Variants in LARGE1 observed in about 807,000 individuals in gnomAD.
LARGE1 encodes the protein xylosyl- and glucuronyltransferase LARGE1.
LARGE1 carries 43 observed loss-of-function variants against 87.6 expected under a neutral mutation model. The ratio of observed to expected loss-of-function variants is 0.49; its 90% CI spans 0.38 to 0.63. The LOEUF (loss-of-function observed/expected upper bound fraction) is 0.63. LARGE1 is among the 30% of genes least tolerant of loss of function. The pLI, the probability that LARGE1 is intolerant of heterozygous loss-of-function variation, is 0.00. For synonymous variants in LARGE1, 434 were observed against 394.6 expected (o/e 1.10, Z -1.18); for missense variants, 802 against 1,000.2 (o/e 0.80, Z 2.67).
chr22:33,773,086 T>C (rs2085123514), intron 1 of LARGE1, among the ~76,000 whole-genome samples: 1 of 152,090 alleles, frequency 6.6e-6, no homozygotes, highest in South Asian at 2.1e-4. Flanking sequence ...TTTGCAAAGT[T>C]CACTTTGGTA....
chr22:33,651,346 C>T (rs1367375574), intron 2 of LARGE1, among the ~76,000 whole-genome samples: 2 of 138,578 alleles, frequency 1.4e-5, no homozygotes, highest in Admixed American at 7.4e-5. Context: ...GAGCCGAGAT[C>T]GCACCACTGC....
chr22:33,223,868 A>G (rs1301356115), intron 11 of LARGE1, among the ~76,000 whole-genome samples: 1 of 152,130 alleles, frequency 6.6e-6, no homozygotes, highest in Non-Finnish European at 1.5e-5. Flanking sequence ...TGTTTTTGCT[A>G]TAGGACAGTC....
the LARGE1 span, among the ~76,000 whole-genome samples, chr22:33,102,985 G>A: frequency 6.6e-6 from 1 of 152,062 alleles, no homozygotes; most frequent in Non-Finnish European, 1.5e-5. Flanking sequence ...TGGAGGTTGT[G>A]GTATGCAGAA....
intron 1 of LARGE1, among the ~76,000 whole-genome samples, chr22:33,857,876 G>A (rs1361188907): frequency 1.3e-5 from 2 of 152,182 alleles, no homozygotes; most frequent in Admixed American, 1.3e-4. Context: ...ATTTGACCCA[G>A]CAATCCCATT....
At chr22:33,540,133 A>G (rs940208178) in intron 6 of LARGE1, among the ~76,000 whole-genome samples, 1 of 152,200 alleles carries the variant, frequency 6.6e-6, no homozygotes, top group Admixed American at 6.5e-5. Flanking sequence ...CTTTCTATGA[A>G]TATTTGCAGA....
intron 9 of LARGE1, among the ~76,000 whole-genome samples, chr22:33,359,182 G>A (rs970930671): frequency 3.3e-5 from 5 of 151,964 alleles, no homozygotes; most frequent in African/African-American, 1.2e-4. Flanking sequence ...TATATATCAT[G>A]TTTTCATTGG....
At chr22:33,074,782 T>C in the LARGE1 span, among the ~76,000 whole-genome samples, 1 of 152,224 alleles carries the variant, frequency 6.6e-6, no homozygotes, top group Admixed American at 6.5e-5. Flanking sequence ...TTTAGTCTTA[T>C]ATCTGGGAAG....
At chr22:33,650,282 G>A in intron 3 of LARGE1, 85 bp downstream of exon 3, 1 of 1,512,510 alleles carries the variant, frequency 6.6e-7, no homozygotes, top group Non-Finnish European at 9.2e-7. Context: ...TTGGCATCTG[G>A]CTGTGTTTCC....
rs1269159059 is a variant in LARGE1 at position 33,879,101 on chromosome 22, T to A, written c.-83+40894A>T. Among the ~76,000 whole-genome samples, 4 of 151,904 alleles carry A rather than the reference T, an allele frequency of 2.6e-5. No homozygotes were observed. In the East Asian group the frequency reaches 7.7e-4, roughly 29 times the overall value. On this transcript the variant is annotated intron_variant, in intron 1 of 14. Coordinates refer to ENST00000397394, the MANE Select transcript of LARGE1 (RefSeq NM_133642.5). ...GATTCTCCTGCCTCAGCCTCCCGAG[T>A]AGCTGGGATTACAGGCATGCGCCAC...
chr22:33,330,047 A>G (rs148928460), intron 10 of LARGE1, among the ~76,000 whole-genome samples: 2 of 152,130 alleles, frequency 1.3e-5, no homozygotes, highest in South Asian at 4.1e-4. Flanking sequence ...TCCAGAGGAC[A>G]GGGCTCAGAT....
At chr22:33,085,316 A>C in the LARGE1 span, among the ~76,000 whole-genome samples, 2 of 152,260 alleles carry the variant, frequency 1.3e-5, no homozygotes, top group Admixed American at 6.5e-5. Flanking sequence ...CACATGCTCA[A>C]GCTGTTTGAA....
intron 1 of LARGE1, among the ~76,000 whole-genome samples, chr22:33,772,156 AC>A (rs2085090177): frequency 1.3e-5 from 2 of 152,020 alleles, no homozygotes; most frequent in African/African-American, 4.8e-5. Context: ...ACACAGTGAA[AC>A]CCCGTCTCTA....
intron 1 of LARGE1, among the ~76,000 whole-genome samples, chr22:33,811,619 T>G (rs972874808): frequency 3.9e-5 from 6 of 152,056 alleles, no homozygotes; most frequent in African/African-American, 1.5e-4. Context: ...AAATCATGAT[T>G]TGGTATATAG....
intron 4 of LARGE1, among the ~76,000 whole-genome samples, chr22:33,612,959 G>A (rs1461015029): frequency 6.6e-6 from 1 of 152,168 alleles, no homozygotes; most frequent in African/African-American, 2.4e-5. Context: ...TAAAGCTTCT[G>A]TCCAGAAGGC....
rs534124837 is a variant in LARGE1, at chr22:33,917,204, A to G, written c.-83+2791T>C. On this transcript the variant is annotated intron_variant, in intron 1 of 14. Transcript: ENST00000397394. The stretch of plus-strand genomic sequence containing the variant: ...GGTGATATCTGCCTGTTTTTGTGAC[A>G]GTATTCTAAACTAAGCAGGCTCTTC... Among the ~76,000 whole-genome samples the G allele has an allele frequency of 1.3e-3, 195 of 152,326 alleles. 2 individuals carry two copies. The highest frequency in any genetic ancestry group is 2.2e-3 in the Non-Finnish European group (148 of 68,038).
At chr22:33,287,166 T>C (rs1257807876) in intron 12 of LARGE1, among the ~76,000 whole-genome samples, 2 of 152,244 alleles carry the variant, frequency 1.3e-5, no homozygotes, top group Admixed American at 6.5e-5. Flanking sequence ...AGTTTGATTC[T>C]ATAAGATAAC....
chr22:33,305,400 A>C (rs1327065888), intron 11 of LARGE1: 1 of 162,442 alleles, frequency 6.2e-6, no homozygotes. Context: ...GGTTTGCAAC[A>C]GAGAGGGTTC....
intron 6 of LARGE1, among the ~76,000 whole-genome samples, chr22:33,491,988 A>G (rs972849537): frequency 2.0e-5 from 3 of 152,242 alleles, no homozygotes; most frequent in Admixed American, 6.5e-5. Flanking sequence ...GAAGAGTTTC[A>G]TGGAATATTT....
chr22:33,277,370 C>A, intron 13 of LARGE1, 115 bp from the exon 14 acceptor site: 2 of 967,718 alleles, frequency 2.1e-6, no homozygotes, highest in Non-Finnish European at 3.2e-6. Context: ...GTGAGTTGAA[C>A]TGTCTCCCTC....
Sources: allele counts gnomAD v4.1 joint callset (sites outside exome capture counted in the v4.1 genomes callset), GRCh38; gene constraint gnomAD v4.1.1; transcripts MANE v1.5; gene names NCBI Gene and HGNC (gene_info 2026-07-23, HGNC 2026-07-21).